Variants in MSRA observed in about 807,000 individuals in gnomAD.
MSRA encodes the protein methionine sulfoxide reductase A.
MSRA carries 54 observed loss-of-function variants against 31.3 expected under a neutral mutation model. That is an observed-to-expected ratio of 1.73 (90% confidence interval 1.39 to 2.17). The LOEUF is 2.17. Among genes scored for constraint, MSRA ranks in the 30% most tolerant of loss-of-function variants. The pLI is 0.00. For synonymous variants in MSRA, 169 were observed against 116.5 expected (o/e 1.45, Z -2.90); for missense variants, 507 against 300.9 (o/e 1.69, Z -5.07).
intron 1 of MSRA, among the ~76,000 whole-genome samples, chr8:10,141,275 G>C (rs1175658958): frequency 6.6e-6 from 1 of 152,158 alleles, no homozygotes; most frequent in Admixed American, 6.5e-5. Context: ...CATCACCGTC[G>C]GGAGGCCTGT....
chr8:10,107,061 C>G (rs1799935516), intron 1 of MSRA, among the ~76,000 whole-genome samples: 1 of 152,144 alleles, frequency 6.6e-6, no homozygotes, highest in African/African-American at 2.4e-5. Flanking sequence ...GGATAGAACA[C>G]AGATAACCGC....
At chr8:10,388,162 G>C (rs1433525299) in intron 5 of MSRA, among the ~76,000 whole-genome samples, 1 of 152,188 alleles carries the variant, frequency 6.6e-6, no homozygotes, top group Admixed American at 6.5e-5. Flanking sequence ...GAGGTGGCTG[G>C]AATTTGGGCT....
At chr8:10,143,333 A>G (rs1238010241) in intron 1 of MSRA, among the ~76,000 whole-genome samples, 3 of 152,208 alleles carry the variant, frequency 2.0e-5, no homozygotes, top group Admixed American at 6.5e-5. Context: ...TAATTTTAAG[A>G]GAACACAGAA....
At chr8:10,147,363 C>G (rs1224449158) in intron 1 of MSRA, among the ~76,000 whole-genome samples, 1 of 152,164 alleles carries the variant, frequency 6.6e-6, no homozygotes. Context: ...TCCGCAGCAG[C>G]TCAGTCATCA....
intron 5 of MSRA, among the ~76,000 whole-genome samples, chr8:10,419,251 A>ATTT (rs1216843676): frequency 6.6e-6 from 1 of 152,128 alleles, no homozygotes; most frequent in African/African-American, 2.4e-5. Context: ...GGGCTTCCTT[A>ATTT]TCCCACAGCC....
At chr8:10,137,542 C>T (rs780057658) in intron 1 of MSRA, among the ~76,000 whole-genome samples, 5 of 152,154 alleles carry the variant, frequency 3.3e-5, no homozygotes, top group African/African-American at 9.7e-5. Flanking sequence ...CTATAACAAA[C>T]GAACTAACCC....
At chr8:10,224,617 T>C (rs1810832462) in intron 2 of MSRA, among the ~76,000 whole-genome samples, 1 of 152,156 alleles carries the variant, frequency 6.6e-6, no homozygotes, top group African/African-American at 2.4e-5. Context: ...TGGAGTCCAG[T>C]GGACAGAGCT....
At chr8:10,268,879 C>T (rs1274203069) in intron 3 of MSRA, among the ~76,000 whole-genome samples, 4 of 152,236 alleles carry the variant, frequency 2.6e-5, no homozygotes, top group African/African-American at 4.8e-5. Context: ...AATTTAACTT[C>T]TTGCCATTAA....
intron 5 of MSRA, among the ~76,000 whole-genome samples, chr8:10,345,015 G>C (rs930104645): frequency 9.2e-5 from 14 of 152,160 alleles, no homozygotes; most frequent in Admixed American, 9.2e-4. Flanking sequence ...GCAGGGCTCA[G>C]TTGGGAAGAT....
At chr8:10,378,636 G>T (rs574156920) in intron 5 of MSRA, among the ~76,000 whole-genome samples, 2 of 152,144 alleles carry the variant, frequency 1.3e-5, no homozygotes, top group African/African-American at 4.8e-5. Flanking sequence ...GCAGCTCCGC[G>T]TCCCTTCTTC....
chr8:10,303,483 A>C (rs185279974), intron 4 of MSRA, among the ~76,000 whole-genome samples: 9 of 152,266 alleles, frequency 5.9e-5, no homozygotes, highest in African/African-American at 2.2e-4. Flanking sequence ...GGGGTTAAAA[A>C]AGATTTTCCA....
intron 2 of MSRA, among the ~76,000 whole-genome samples, chr8:10,220,144 A>G (rs566556977): frequency 4.1e-4 from 63 of 152,304 alleles, no homozygotes; most frequent in African/African-American, 1.4e-3. Flanking sequence ...GTATTATTCT[A>G]TGTCCATAAC....
chr8:10,128,106 G>A (rs746006140), intron 1 of MSRA, among the ~76,000 whole-genome samples: 1 of 152,032 alleles, frequency 6.6e-6, no homozygotes, highest in African/African-American at 2.4e-5. Context: ...GGCCAGGTGC[G>A]ATGGCTCACA....
intron 3 of MSRA, among the ~76,000 whole-genome samples, chr8:10,249,380 GT>G (rs1227836433): frequency 1.3e-5 from 2 of 152,142 alleles, no homozygotes; most frequent in African/African-American, 2.4e-5. Flanking sequence ...CAAAAACAGA[GT>G]TTTGGTCGGA....
chr8:10,342,644 G>A (rs1029911810), intron 5 of MSRA, among the ~76,000 whole-genome samples: 1 of 152,210 alleles, frequency 6.6e-6, no homozygotes, highest in Non-Finnish European at 1.5e-5. Context: ...CTGGGGCAGG[G>A]TCTTAGGGAA....
At chr8:10,193,480 A>C (rs1393557234) in intron 1 of MSRA, among the ~76,000 whole-genome samples, 14 of 152,204 alleles carry the variant, frequency 9.2e-5, no homozygotes, top group Admixed American at 9.2e-4. Context: ...AGAATGTGCA[A>C]GTTTTTATTG....
chr8:10,162,769 A>G (rs991971594), intron 1 of MSRA, among the ~76,000 whole-genome samples: 8 of 152,156 alleles, frequency 5.3e-5, no homozygotes, highest in African/African-American at 1.7e-4. Context: ...AGGCACTGAA[A>G]CCATTACCAT....
At chr8:10,061,488 C>T (rs984379650) in intron 1 of MSRA, among the ~76,000 whole-genome samples, 1 of 152,118 alleles carries the variant, frequency 6.6e-6, no homozygotes, top group Admixed American at 6.5e-5. Flanking sequence ...CTTTCTATGG[C>T]ATCTTGCGTT....
intron 4 of MSRA, among the ~76,000 whole-genome samples, chr8:10,303,748 T>A (rs1188322669): frequency 6.6e-6 from 1 of 152,114 alleles, no homozygotes; most frequent in Non-Finnish European, 1.5e-5. Context: ...TGATGGTTAG[T>A]TAAGGGTAGG....
Sources: allele counts gnomAD v4.1 joint callset (sites outside exome capture counted in the v4.1 genomes callset), GRCh38; gene constraint gnomAD v4.1.1; transcripts MANE v1.5; gene names NCBI Gene and HGNC (gene_info 2026-07-23, HGNC 2026-07-21).